SH3D19: variants seen among roughly 807,000 people sequenced by gnomAD.
SH3D19 encodes the protein SH3 domain-containing protein 19.
SH3D19 carries 58 observed loss-of-function variants against 112.1 expected under a neutral mutation model. The ratio of observed to expected loss-of-function variants is 0.52; its 90% CI spans 0.42 to 0.64. The LOEUF (loss-of-function observed/expected upper bound fraction) is 0.64. Among genes scored for constraint, SH3D19 ranks in the 30% least tolerant of loss-of-function variants. SH3D19 has a pLI of 0.00. For synonymous variants in SH3D19, 391 were observed against 448.5 expected (o/e 0.87, Z 1.62); for missense variants, 1,090 against 1,263.4 (o/e 0.86, Z 2.08).
chr4:151,307,871 C>T (rs748465995), intron 1 of SH3D19, among the ~76,000 whole-genome samples: 7 of 152,264 alleles, frequency 4.6e-5, no homozygotes, highest in Middle Eastern at 3.4e-3. Flanking sequence ...GAAATGTAAT[C>T]GAACTAAAAA....
At chr4:151,157,749 T>C (rs1756395268) in intron 9 of SH3D19, among the ~76,000 whole-genome samples, 1 of 152,094 alleles carries the variant, frequency 6.6e-6, no homozygotes, top group Admixed American at 6.6e-5. Flanking sequence ...TGGAATACTA[T>C]ACAGCCATAA....
chr4:151,213,842 G>C (rs556199669), intron 2 of SH3D19, among the ~76,000 whole-genome samples: 1 of 151,508 alleles, frequency 6.6e-6, no homozygotes, highest in Non-Finnish European at 1.5e-5. Context: ...GCATGCCACC[G>C]TGACTGGCTA....
At chr4:151,214,486 G>A (rs1580199171) in intron 2 of SH3D19, among the ~76,000 whole-genome samples, 1 of 121,328 alleles carries the variant, frequency 8.2e-6, no homozygotes. Context: ...CCTCCCGGAC[G>A]GGGCGGCTGG....
Position 151,122,026 on chromosome 4 carries a change from A to AT in SH3D19, c.*64dup. ...GTTAAAAAAAATAGTGCAAAAACAT[A>AT]TCTGATAGTCAAGGTGATAGTTCAA... On this transcript the variant is annotated 3_prime_UTR_variant, in exon 20 of 20. Transcript: ENST00000604030. The AT allele has an allele frequency of 2.5e-6, 2 of 793,586 alleles. No individual in the cohort carries two copies. Among genetic ancestry groups the AT allele is most frequent in the Non-Finnish European group, 4.3e-6 (2 of 464,538 alleles). 49.2% of individuals were successfully genotyped at this position (793,586 alleles called of 1,614,324 possible). A position where few individuals can be genotyped will look rare whatever the true frequency, so the allele number is the denominator to read the frequency against.
At chr4:151,213,679 A>ATGT (rs1561354169) in intron 2 of SH3D19, among the ~76,000 whole-genome samples, 1 of 149,812 alleles carries the variant, frequency 6.7e-6, no homozygotes, top group Non-Finnish European at 1.5e-5. Context: ...TTAATTAATT[A>ATGT]ATTAATTAAT....
intron 12 of SH3D19, among the ~76,000 whole-genome samples, chr4:151,142,663 G>A (rs1397133765): frequency 6.6e-6 from 1 of 152,132 alleles, no homozygotes; most frequent in Non-Finnish European, 1.5e-5. Flanking sequence ...TGATCTGTCT[G>A]ATTCAACCAC....
chr4:151,265,123 G>T (rs950447076), intron 1 of SH3D19, among the ~76,000 whole-genome samples: 1 of 151,742 alleles, frequency 6.6e-6, no homozygotes, highest in African/African-American at 2.4e-5. Flanking sequence ...TATAAAAAAA[G>T]AATTCAGAAA....
chr4:151,165,764 T>C (rs1332960130), intron 7 of SH3D19, 68 bp from the exon 8 acceptor site: 10 of 1,349,502 alleles, frequency 7.4e-6, no homozygotes, highest in Non-Finnish European at 1.1e-5. Context: ...ACCTCATTCA[T>C]AATTTAAGAG....
intron 2 of SH3D19, among the ~76,000 whole-genome samples, chr4:151,198,366 T>G (rs1486767987): frequency 9.7e-6 from 1 of 102,634 alleles, no homozygotes; most frequent in African/African-American, 3.0e-5. Context: ...TAAAATTATA[T>G]TATATAAAAA....
At chr4:151,323,345 G>A (rs1432557601) in intron 1 of SH3D19, among the ~76,000 whole-genome samples, 1 of 152,224 alleles carries the variant, frequency 6.6e-6, no homozygotes, top group Admixed American at 6.5e-5. Flanking sequence ...GAAAAAACAT[G>A]AAGCTTCTGC....
intron 12 of SH3D19, chr4:151,140,792 C>T (rs1019087467): frequency 3.3e-5 from 5 of 152,204 alleles, no homozygotes; most frequent in African/African-American, 1.2e-4. Flanking sequence ...CACATCTATA[C>T]CTCTGCCCTT....
intron 1 of SH3D19, among the ~76,000 whole-genome samples, chr4:151,314,467 T>TA (rs775457821): frequency 1.3e-5 from 2 of 152,028 alleles, no homozygotes; most frequent in East Asian, 1.9e-4. Context: ...TCCAAAGATG[T>TA]AAAAAAACGG....
rs956205890 is a variant in SH3D19 at position 151,174,603 on chromosome 4, A to G, written c.1534+67T>C. Reference sequence around the variant, plus strand: ...TAACTTATGTACCAGAAACTAAAACAGCAAGTGCCATTTAAAATACCCTAT... The same window carrying G: ...TAACTTATGTACCAGAAACTAAAACGGCAAGTGCCATTTAAAATACCCTAT... On this transcript the variant is annotated intron_variant, in intron 7 of 19. Transcript: ENST00000604030. 15 of 1,427,362 alleles carry G rather than the reference A, an allele frequency of 1.1e-5. No individual in the cohort carries two copies. The African/African-American group carries it at 2.1e-4, about 20-fold the overall frequency. The allele number at this position is 1,427,362 out of a possible 1,614,324, so 88.4% of individuals were successfully genotyped here.
chr4:151,175,664 T>C lies in SH3D19; in HGVS notation c.540A>G (p.Ala180=). ...IDNDLPQTLQ[A]PLKPLQPFSA... is the part of the protein sequence containing the mutation. ...AGAAAGGCTGAAGAGGCTTGAGAGG[T>C]GCCTGTAGTGCTGACGAGACCAAAA... Residue 180 remains alanine (A), a synonymous_variant, in exon 7 of 20, where the codon GCA becomes GCG. Transcript: ENST00000604030. 1 of 1,268,102 alleles carries C rather than the reference T, an allele frequency of 7.9e-7. No homozygotes were observed. The allele number at this position is 1,268,102 out of a possible 1,614,324, so 78.6% of individuals were successfully genotyped here.
intron 1 of SH3D19, among the ~76,000 whole-genome samples, chr4:151,251,053 G>A (rs888668762): frequency 3.3e-5 from 5 of 151,986 alleles, no homozygotes; most frequent in Admixed American, 2.6e-4. Flanking sequence ...CTGCCTTTAG[G>A]ATTAAATGAT....
intron 14 of SH3D19, among the ~76,000 whole-genome samples, chr4:151,136,581 C>A (rs1751896497): frequency 2.8e-5 from 1 of 35,742 alleles, no homozygotes; most frequent in African/African-American, 5.3e-5. Context: ...TCAGTGCCTT[C>A]TTGAATTTTA....
In SH3D19 at chr4:151,278,476, T is replaced by C. The variant is rs572354761; in HGVS notation, c.112+46765A>G. ...AAGAAAAAAAAAACCCTGACTAGTATTTAGGAAGTGATTTGTGAAAAGTAA... is the reference window on the plus strand; with the variant it reads ...AAGAAAAAAAAAACCCTGACTAGTACTTAGGAAGTGATTTGTGAAAAGTAA... On this transcript the variant is annotated intron_variant, in intron 1 of 19. Transcript: ENST00000604030. Among the ~76,000 whole-genome samples the C allele has an allele frequency of 7.9e-5, 12 of 151,522 alleles. No individual in the cohort carries two copies. In the South Asian group the frequency reaches 2.3e-3, roughly 29 times the overall value.
At chr4:151,282,946 G>C (rs189845114) in intron 1 of SH3D19, among the ~76,000 whole-genome samples, 1 of 152,228 alleles carries the variant, frequency 6.6e-6, no homozygotes, top group African/African-American at 2.4e-5. Flanking sequence ...TAGAATTACT[G>C]AGTTTTAGAT....
intron 3 of SH3D19, among the ~76,000 whole-genome samples, chr4:151,180,411 C>T (rs56224733): frequency 9.2e-4 from 120 of 130,666 alleles, no homozygotes; most frequent in Middle Eastern, 4.2e-3. Flanking sequence ...ATTTTTTTTT[C>T]TTTTTTTTTT....
Sources: gnomAD v4.1 joint callset for allele counts (sites outside exome capture counted in the v4.1 genomes callset) on GRCh38, gnomAD v4.1.1 for gene constraint, MANE v1.5 for transcripts, NCBI Gene and HGNC (gene_info 2026-07-23, HGNC 2026-07-21) for gene names.